TRIT1: variants seen among roughly 807,000 people sequenced by gnomAD.
TRIT1 encodes tRNA isopentenyltransferase 1.
TRIT1 carries 43 observed loss-of-function variants against 51.2 expected under a neutral mutation model. The ratio of observed to expected loss-of-function variants is 0.84; its 90% CI spans 0.66 to 1.08. TRIT1 has a LOEUF of 1.08. Among genes scored for constraint, TRIT1 ranks in the 50% least tolerant of loss-of-function variants. TRIT1 has a pLI of 0.00. For missense variants in TRIT1, 528 were observed against 578.4 expected (o/e 0.91, Z 0.89); for synonymous variants, 184 against 203.9 (o/e 0.90, Z 0.83).
At chr1:39,878,733 AC>A (rs1644148643) in intron 1 of TRIT1, among the ~76,000 whole-genome samples, 1 of 152,184 alleles carries the variant, frequency 6.6e-6, no homozygotes, top group Non-Finnish European at 1.5e-5. Flanking sequence ...GTCCAAGTTT[AC>A]CCTTTGTTCC....
chr1:39,879,621 T>C (rs12134452), intron 1 of TRIT1, among the ~76,000 whole-genome samples: 69,339 of 151,416 alleles, frequency 0.46, 16,352 homozygotes, highest in East Asian at 0.6. Context: ...CACCTGTAAT[T>C]CCAGCATTTT....
intron 1 of TRIT1, among the ~76,000 whole-genome samples, chr1:39,874,664 T>G (rs1050043117): frequency 3.3e-5 from 5 of 152,106 alleles, no homozygotes; most frequent in Non-Finnish European, 5.9e-5. Flanking sequence ...TGTCTCATTT[T>G]TCTTTTCTTT....
At chr1:39,856,890 C>A (rs920632497) in intron 2 of TRIT1, among the ~76,000 whole-genome samples, 4 of 152,148 alleles carry the variant, frequency 2.6e-5, no homozygotes, top group Admixed American at 6.5e-5. Context: ...GTAAAAAAGG[C>A]AGTTCTAGGA....
chr1:39,881,710 C>T (rs1162435466), intron 1 of TRIT1: 3 of 152,162 alleles, frequency 2.0e-5, no homozygotes, highest in African/African-American at 7.2e-5. Flanking sequence ...GCTTTTTCTT[C>T]TTTCTTACCT....
intron 3 of TRIT1, 88 bp from the exon 4 acceptor site, chr1:39,852,964 C>T (rs1475215423): frequency 7.3e-7 from 1 of 1,370,710 alleles, no homozygotes; most frequent in South Asian, 1.3e-5. Flanking sequence ...GTCAGGAATA[C>T]AGAATAATCA....
intron 3 of TRIT1, among the ~76,000 whole-genome samples, chr1:39,853,337 G>A (rs58223750): frequency 0.022 from 3,252 of 146,848 alleles, 70 homozygotes; most frequent in East Asian, 0.12. Context: ...AATGGCTAAC[G>A]TACTGGGTTT....
intron 8 of TRIT1, among the ~76,000 whole-genome samples, chr1:39,846,013 T>G (rs1642202326): frequency 6.6e-6 from 1 of 152,226 alleles, no homozygotes; most frequent in Admixed American, 6.5e-5. Context: ...CCAAAAGTCT[T>G]CTGTTAAAGG....
At chr1:39,847,775 A>G (rs1205538645) in intron 6 of TRIT1, 115 bp from the exon 7 acceptor site, 26 of 1,561,958 alleles carry the variant, frequency 1.7e-5, no homozygotes, top group Non-Finnish European at 2.1e-5. Flanking sequence ...TGAGATCCTG[A>G]GCAGTTACTG....
chr1:39,848,448 AT>A (rs1308998143), intron 5 of TRIT1, among the ~76,000 whole-genome samples: 7 of 151,866 alleles, frequency 4.6e-5, no homozygotes, highest in Non-Finnish European at 1.0e-4. Flanking sequence ...TTAATATGTC[AT>A]TATACTGCAA....
At chr1:39,851,586 A>C (rs889147130) in intron 4 of TRIT1, among the ~76,000 whole-genome samples, 4 of 152,066 alleles carry the variant, frequency 2.6e-5, no homozygotes, top group African/African-American at 9.7e-5. Flanking sequence ...GGGGTGAAAA[A>C]ACTTAGATAT....
chr1:39,878,616 C>A (rs1644145592), intron 1 of TRIT1, among the ~76,000 whole-genome samples: 1 of 152,164 alleles, frequency 6.6e-6, no homozygotes, highest in African/African-American at 2.4e-5. Context: ...TTTTAAAAAA[C>A]CCAATTTAGA....
chr1:39,867,637 A>C (rs192429528), intron 1 of TRIT1, among the ~76,000 whole-genome samples: 31 of 152,360 alleles, frequency 2.0e-4, no homozygotes, highest in African/African-American at 6.7e-4. Flanking sequence ...GAGCTTCTGC[A>C]GTGGCTGCTT....
At chr1:39,866,371 G>A (rs1643556587) in intron 1 of TRIT1, among the ~76,000 whole-genome samples, 1 of 152,116 alleles carries the variant, frequency 6.6e-6, no homozygotes. Flanking sequence ...CAAGCTTCGG[G>A]AGAAAAGATA....
chr1:39,847,673 G>A lies in TRIT1; in HGVS notation c.816-13C>T. 6.2e-7 allele frequency: 1 copy of A among 1,614,164 alleles called. No homozygotes were observed. Among genetic ancestry groups the A allele is most frequent in the Non-Finnish European group, 8.5e-7 (1 of 1,180,012 alleles). On this transcript the variant is annotated splice_polypyrimidine_tract_variant and intron_variant, in intron 6 of 10. Transcript: ENST00000316891. ...TTGATAGTCCTGGCTGGGAACAGGAGGGTATCAGCAGATAAGCCATTGCTC... is the reference window on the plus strand; with the variant it reads ...TTGATAGTCCTGGCTGGGAACAGGAAGGTATCAGCAGATAAGCCATTGCTC...
rs562564789 is a variant in TRIT1, at chr1:39,840,807, G to A, written c.*937C>T. Among the ~76,000 whole-genome samples, 8 of 152,258 alleles carry A rather than the reference G, an allele frequency of 5.3e-5. No individual in the cohort carries two copies. In the South Asian group the frequency reaches 1.0e-3, roughly 20 times the overall value. On this transcript the variant is annotated 3_prime_UTR_variant, in exon 11 of 11. Transcript: ENST00000316891. ...TATAAATAAGTATCTGTTTAACATTGCTGGCAGCTCAGGTCACTCCAGAAA... is the reference window on the plus strand; with the variant it reads ...TATAAATAAGTATCTGTTTAACATTACTGGCAGCTCAGGTCACTCCAGAAA...
chr1:39,869,752 A>C (rs1643776906), intron 1 of TRIT1, among the ~76,000 whole-genome samples: 1 of 137,742 alleles, frequency 7.3e-6, no homozygotes, highest in Non-Finnish European at 1.6e-5. Context: ...TCTCTGCCCG[A>C]CCGCCACCCC....
At chr1:39,868,243 T>C (rs903960754) in intron 1 of TRIT1, among the ~76,000 whole-genome samples, 4 of 152,208 alleles carry the variant, frequency 2.6e-5, no homozygotes, top group Non-Finnish European at 5.9e-5. Context: ...GTAGAACTTT[T>C]GCTCTGTGAA....
rs551388583 is a variant in TRIT1 at position 39,848,939 on chromosome 1, A to G, written c.704-842T>C. Among the ~76,000 whole-genome samples the G allele has an allele frequency of 2.7e-4, 41 of 152,174 alleles. No homozygotes were observed. In the South Asian group the frequency reaches 8.5e-3, roughly 32 times the overall value. On this transcript the variant is annotated intron_variant, in intron 5 of 10. Transcript: ENST00000316891. Reference sequence around the variant, plus strand: ...CAAACAGCTTTACTATGAATCAGATACCATTATTTTATGCTGCCTGTAGAG... The same window carrying G: ...CAAACAGCTTTACTATGAATCAGATGCCATTATTTTATGCTGCCTGTAGAG...
rs528871584 is a variant in TRIT1 at position 39,838,673 on chromosome 1, T to C, written c.*3071A>G. Among the ~76,000 whole-genome samples, 1 of 152,252 alleles carries C rather than the reference T, an allele frequency of 6.6e-6. No homozygotes were observed. The highest frequency in any genetic ancestry group is 2.1e-4 in the South Asian group (1 of 4,824). ...ATATATATGTAAGTATGTATGTATG[T>C]ATATATTTGTGCTGACTGGGTCTCA... On this transcript the variant is annotated 3_prime_UTR_variant, in exon 11 of 11. Transcript: ENST00000316891.
Sources: allele counts gnomAD v4.1 joint callset (sites outside exome capture counted in the v4.1 genomes callset), GRCh38; gene constraint gnomAD v4.1.1; transcripts MANE v1.5; gene names NCBI Gene and HGNC (gene_info 2026-07-23, HGNC 2026-07-21).